ARID4A: variants seen among roughly 807,000 people sequenced by gnomAD.
The protein encoded by ARID4A is AT-rich interaction domain 4A.
In ARID4A, 39 loss-of-function variants were observed where a neutral mutation model predicts 148.6. That is an observed-to-expected ratio of 0.26 (90% confidence interval 0.20 to 0.34). The LOEUF is 0.34. Among genes scored for constraint, ARID4A ranks in the 10% least tolerant of loss-of-function variants. The pLI, the probability that ARID4A is intolerant of heterozygous loss-of-function variation, is 1.00. For missense variants in ARID4A, 1,265 were observed against 1,449.1 expected (o/e 0.87, Z 2.06); for synonymous variants, 475 against 481.2 (o/e 0.99, Z 0.17).
intron 5 of ARID4A, among the ~76,000 whole-genome samples, chr14:58,317,624 C>T (rs1159262630): frequency 7.2e-4 from 50 of 69,844 alleles, no homozygotes; most frequent in Admixed American, 7.0e-4. Flanking sequence ...TTATATTTGT[C>T]TTTTTTTTTT....
rs1179915845 is a variant in ARID4A at position 58,366,199 on chromosome 14, C to T, written c.3492C>T (p.Ser1164=). Residue 1164 remains serine (S), a synonymous_variant, in exon 22 of 24, where the codon TCC becomes TCT. Transcript: ENST00000355431. The part of the protein sequence containing the change: ...DKHREKHPNS[S]PRTYKWSFQL... ...ACAGAGAAAAACATCCGAATTCATCCCCTAGGACATATAAATGGAGCTTTC... is the reference window on the plus strand; with the variant it reads ...ACAGAGAAAAACATCCGAATTCATCTCCTAGGACATATAAATGGAGCTTTC... 27 of 1,613,486 alleles carry T rather than the reference C, an allele frequency of 1.7e-5. No individual in the cohort carries two copies. The highest frequency in any genetic ancestry group is 3.3e-5 in the South Asian group (3 of 91,052).
In ARID4A at chr14:58,348,547, C is replaced by T. The variant is rs530019367; in HGVS notation, c.1404+669C>T. Among the ~76,000 whole-genome samples, 27 of 152,262 alleles carry T rather than the reference C, an allele frequency of 1.8e-4. 3 individuals carry two copies. The South Asian group carries it at 5.6e-3, about 32-fold the overall frequency. On this transcript the variant is annotated intron_variant, in intron 15 of 23. Coordinates refer to ENST00000355431, the MANE Select transcript of ARID4A (RefSeq NM_002892.4). ...TATCTTCCAACTTTGCTCCTTCTTT[C>T]CTTTAATATATAAGGTCTATTTAGG...
At chr14:58,355,391 A>AT (rs566176658) in intron 17 of ARID4A, among the ~76,000 whole-genome samples, 33 of 152,282 alleles carry the variant, frequency 2.2e-4, no homozygotes, top group African/African-American at 7.7e-4. Context: ...ATATCCTATG[A>AT]TTTTTCCTAT....
chr14:58,346,024 C>CCG (rs2034346912), intron 12 of ARID4A, among the ~76,000 whole-genome samples: 1 of 151,802 alleles, frequency 6.6e-6, no homozygotes. Flanking sequence ...GTGTGAGCCA[C>CCG]TGCACCCAGC....
intron 19 of ARID4A, 51 bp downstream of exon 19, chr14:58,361,093 G>A (rs759748349): frequency 2.4e-5 from 36 of 1,529,810 alleles, no homozygotes; most frequent in Non-Finnish European, 3.1e-5. Flanking sequence ...TCTGTCAAAT[G>A]GAATGGAAGG....
chr14:58,314,975 C>T (rs2032310013), intron 5 of ARID4A, among the ~76,000 whole-genome samples: 4 of 152,026 alleles, frequency 2.6e-5, no homozygotes, highest in South Asian at 2.1e-4. Flanking sequence ...AGAAGTTAGC[C>T]GGGCCTGGTG....
chr14:58,331,142 G>A (rs1309895980), intron 11 of ARID4A: 5 of 152,218 alleles, frequency 3.3e-5, no homozygotes, highest in Non-Finnish European at 5.9e-5. Flanking sequence ...TTCCCCTGCA[G>A]TATTTGGTTT....
chr14:58,357,993 CG>C (rs1178767803), intron 17 of ARID4A, among the ~76,000 whole-genome samples: 3 of 151,174 alleles, frequency 2.0e-5, no homozygotes, highest in Non-Finnish European at 4.4e-5. Context: ...ACTTGAGCTC[CG>C]GAATTCAAGA....
At chr14:58,328,991 CAA>C (rs10712188) in intron 9 of ARID4A, among the ~76,000 whole-genome samples, 104 of 142,508 alleles carry the variant, frequency 7.3e-4, no homozygotes, top group Middle Eastern at 3.6e-3. Flanking sequence ...GACTCTGTCT[CAA>C]AAAAAAAAAA....
intron 15 of ARID4A, among the ~76,000 whole-genome samples, chr14:58,349,863 C>T (rs2034550764): frequency 6.6e-6 from 1 of 152,108 alleles, no homozygotes; most frequent in Non-Finnish European, 1.5e-5. Flanking sequence ...GTAATCTCAG[C>T]ACTTTGGTAG....
intron 23 of ARID4A, among the ~76,000 whole-genome samples, chr14:58,371,099 G>A (rs1305771240): frequency 6.6e-6 from 1 of 152,072 alleles, no homozygotes; most frequent in Non-Finnish European, 1.5e-5. Flanking sequence ...AGACCAGCCT[G>A]GGCAACGTAG....
chr14:58,299,633 G>A (rs954938675), intron 1 of ARID4A, 165 bp from the exon 2 acceptor site: 2 of 611,090 alleles, frequency 3.3e-6, no homozygotes, highest in Middle Eastern at 4.3e-4. Flanking sequence ...TGGGGTTCTC[G>A]CTGCCCCCTC....
At position 58,329,520 on chromosome 14, in the gene ARID4A, ATAAT is replaced by A. The variant is rs1230974111; in HGVS notation, c.663-5_663-2del. The A allele has an allele frequency of 6.4e-7, 1 of 1,563,174 alleles. No individual in the cohort carries two copies. The highest frequency in any genetic ancestry group is 1.1e-5 in the South Asian group (1 of 89,532). ...AATTGTTTTCCTCCCCTTCTTCTTG[ATAAT>A]TAGTTACTCTATAGCAAGAAAGGAC... On this transcript the variant is annotated splice_polypyrimidine_tract_variant and splice_region_variant and intron_variant, in intron 9 of 23. Coordinates refer to ENST00000355431, the MANE Select transcript of ARID4A (RefSeq NM_002892.4).
intron 21 of ARID4A, 33 bp downstream of exon 21, chr14:58,365,655 TGTTA>T (rs2035331711): frequency 6.4e-7 from 1 of 1,568,094 alleles, no homozygotes; most frequent in South Asian, 1.1e-5. Context: ...TTTTGTATAG[TGTTA>T]GTATTTTTAG....
chr14:58,298,914 C>T (rs2030819718), intron 1 of ARID4A, among the ~76,000 whole-genome samples: 2 of 152,210 alleles, frequency 1.3e-5, no homozygotes, highest in African/African-American at 4.8e-5. Flanking sequence ...GCCTCCTCGT[C>T]CGCTTCCTCG....
At position 58,373,026 on chromosome 14, in the gene ARID4A, T is replaced by G. The variant is rs1052671224; in HGVS notation, c.*1037T>G. On this transcript the variant is annotated 3_prime_UTR_variant, in exon 24 of 24. Coordinates refer to ENST00000355431, the MANE Select transcript of ARID4A (RefSeq NM_002892.4). The stretch of plus-strand genomic sequence containing the variant: ...GCAGCCTTGCCTGTGTTAAAGGGAG[T>G]CTGTCTCAGTCCATCAAACAGTATA... 1 of 196,618 alleles carries G rather than the reference T, an allele frequency of 5.1e-6. No individual in the cohort carries two copies. Among genetic ancestry groups the G allele is most frequent in the Non-Finnish European group, 1.1e-5 (1 of 94,908 alleles). The allele number at this position is 196,618 out of a possible 1,614,324, so 12.2% of individuals were successfully genotyped here. A position where few individuals can be genotyped will look rare whatever the true frequency, so the allele number is the denominator to read the frequency against.
Position 58,347,051 on chromosome 14 carries a change from A to G in ARID4A, c.1106A>G (p.Tyr369Cys). 1 of 1,548,760 alleles carries G rather than the reference A, an allele frequency of 6.5e-7. No homozygotes were observed. Among genetic ancestry groups the G allele is most frequent in the Non-Finnish European group, 8.7e-7 (1 of 1,146,376 alleles). ...AGTGGTGCTGTATGGAAGCAAATTT[A>G]TATGGACCTTGGCATTCCTATTTTG... Reference protein sequence around the residue: ...IDSGAVWKQIYMDLGIPILNS... With the variant: ...IDSGAVWKQICMDLGIPILNS... Residue 369 changes from tyrosine to cysteine, a missense_variant, in exon 14 of 24, where the codon TAT (tyrosine) becomes TGT (cysteine). This residue lies in a region of ARID4A where 249 missense variants were observed against 277.2 expected (regional missense o/e 0.90). Coordinates refer to ENST00000355431, the MANE Select transcript of ARID4A (RefSeq NM_002892.4).
intron 15 of ARID4A, among the ~76,000 whole-genome samples, chr14:58,349,391 A>G (rs1321637527): frequency 6.6e-6 from 1 of 152,222 alleles, no homozygotes; most frequent in East Asian, 1.9e-4. Context: ...TCATGCCTGT[A>G]ATCCCAGCAC....
intron 16 of ARID4A, 21 bp from the exon 17 acceptor site, chr14:58,353,637 C>A: frequency 6.3e-7 from 1 of 1,590,202 alleles, no homozygotes; most frequent in Non-Finnish European, 8.6e-7. Flanking sequence ...GTAGCATTAT[C>A]AGTATTATAA....
Sources: allele counts gnomAD v4.1 joint callset (sites outside exome capture counted in the v4.1 genomes callset), GRCh38; gene constraint gnomAD v4.1.1; regional missense constraint gnomAD v4.1.1; transcripts MANE v1.5; gene names NCBI Gene and HGNC (gene_info 2026-07-23, HGNC 2026-07-21).